Variants in CA10 observed in about 807,000 individuals in gnomAD.
CA10 encodes carbonic anhydrase-related protein 10.
In CA10, 14 loss-of-function variants were observed where a neutral mutation model predicts 44.2. The ratio of observed to expected loss-of-function variants is 0.32; its 90% CI spans 0.21 to 0.50. CA10 has a LOEUF of 0.50. Ranked by LOEUF, CA10 falls within the 20% of genes least tolerant of loss-of-function variation. The pLI is 0.99. For synonymous variants in CA10, 159 were observed against 141.6 expected, an observed-to-expected ratio of 1.12 and a Z score of -0.87; for missense variants, 350 against 409.7, an observed-to-expected ratio of 0.85 and a Z score of 1.26.
intron 4 of CA10, among the ~76,000 whole-genome samples, chr17:51,731,617 C>T (rs1916721864): frequency 7.2e-6 from 1 of 139,696 alleles, no homozygotes; most frequent in Non-Finnish European, 1.5e-5. Flanking sequence ...ATCTCATCAG[C>T]CTACTACTGG....
intron 1 of CA10, among the ~76,000 whole-genome samples, chr17:52,138,995 C>G (rs1238059157): frequency 1.3e-5 from 2 of 152,116 alleles, no homozygotes; most frequent in African/African-American, 2.4e-5. Context: ...TTTGGGGCAC[C>G]ATTTAGGTGC....
intron 3 of CA10, among the ~76,000 whole-genome samples, chr17:51,886,982 A>G (rs989703584): frequency 1.3e-5 from 2 of 152,002 alleles, no homozygotes; most frequent in Non-Finnish European, 2.9e-5. Context: ...CTCTATTCTC[A>G]TGCCTTTGGA....
chr17:52,061,319 G>C (rs1406486987), intron 2 of CA10, among the ~76,000 whole-genome samples: 1 of 152,148 alleles, frequency 6.6e-6, no homozygotes, highest in Non-Finnish European at 1.5e-5. Context: ...ACCCTGCACT[G>C]AGTAATGCAG....
intron 2 of CA10, among the ~76,000 whole-genome samples, chr17:51,962,560 C>T (rs575368346): frequency 6.6e-6 from 1 of 152,270 alleles, no homozygotes; most frequent in Non-Finnish European, 1.5e-5. Flanking sequence ...CCACAACCAG[C>T]TCTTACCCAT....
chr17:51,997,439 G>A (rs1186281981), intron 2 of CA10, among the ~76,000 whole-genome samples: 2 of 152,060 alleles, frequency 1.3e-5, no homozygotes, highest in African/African-American at 4.8e-5. Context: ...TAGATGGTAT[G>A]TTCTTAGTTT....
intron 1 of CA10, among the ~76,000 whole-genome samples, chr17:52,096,583 A>G (rs1295170511): frequency 6.6e-6 from 1 of 152,210 alleles, no homozygotes; most frequent in Non-Finnish European, 1.5e-5. Flanking sequence ...ATCAGATTCC[A>G]AGAAGCTCAG....
intron 2 of CA10, among the ~76,000 whole-genome samples, chr17:52,056,926 T>C (rs1987245193): frequency 6.6e-6 from 1 of 152,124 alleles, no homozygotes; most frequent in Non-Finnish European, 1.5e-5. Flanking sequence ...AGTGCTATTG[T>C]TTATTTTATA....
At chr17:51,648,404 C>T (rs1045681213) in intron 6 of CA10, among the ~76,000 whole-genome samples, 4 of 152,192 alleles carry the variant, frequency 2.6e-5, no homozygotes, top group African/African-American at 9.7e-5. Flanking sequence ...ATGACAGAGT[C>T]AAAGTGAGGA....
chr17:51,925,176 C>T (rs1364186989), intron 3 of CA10, among the ~76,000 whole-genome samples: 1 of 152,114 alleles, frequency 6.6e-6, no homozygotes. Flanking sequence ...AGGTGCAAGC[C>T]ACTGCACCCT....
intron 3 of CA10, among the ~76,000 whole-genome samples, chr17:51,905,403 C>A (rs1230634344): frequency 6.6e-6 from 1 of 152,000 alleles, no homozygotes; most frequent in Non-Finnish European, 1.5e-5. Context: ...AAGTTGGGCA[C>A]ACTTCTTTTC....
intron 3 of CA10, chr17:51,763,476 A>G (rs7220861): frequency 0.22 from 34,046 of 152,158 alleles, 4,196 homozygotes; most frequent in Middle Eastern, 0.37. Context: ...ATTAGAGACA[A>G]TTAAATGCAA....
chr17:52,130,438 T>C (rs1038004187), intron 1 of CA10, among the ~76,000 whole-genome samples: 3 of 152,150 alleles, frequency 2.0e-5, no homozygotes, highest in East Asian at 1.9e-4. Flanking sequence ...TAAAGAAATG[T>C]GGTATACACA....
At chr17:51,738,304 A>C (rs1244132839) in intron 4 of CA10, among the ~76,000 whole-genome samples, 1 of 152,208 alleles carries the variant, frequency 6.6e-6, no homozygotes, top group Non-Finnish European at 1.5e-5. Flanking sequence ...GTAGAGCAGC[A>C]CATCCATGGA....
At chr17:51,675,712 T>C (rs1914605921) in intron 4 of CA10, among the ~76,000 whole-genome samples, 1 of 147,312 alleles carries the variant, frequency 6.8e-6, no homozygotes, top group African/African-American at 2.6e-5. Context: ...CAAGGCTGCG[T>C]CTCAAAAAAA....
At chr17:51,751,385 ATTGAATTGTACAC>A (rs1346057491) in intron 3 of CA10, among the ~76,000 whole-genome samples, 1 of 152,258 alleles carries the variant, frequency 6.6e-6, no homozygotes, top group Non-Finnish European at 1.5e-5. Flanking sequence ...ACTTAACACC[ATTGAATTGTACAC>A]TTAAAATGGT....
At chr17:52,116,611 C>T (rs1988903421) in intron 1 of CA10, among the ~76,000 whole-genome samples, 1 of 152,116 alleles carries the variant, frequency 6.6e-6, no homozygotes, top group South Asian at 2.1e-4. Context: ...CCTTCTCTCA[C>T]TCATATAGCC....
intron 4 of CA10, among the ~76,000 whole-genome samples, chr17:51,680,210 T>C (rs995117746): frequency 4.6e-5 from 7 of 152,158 alleles, no homozygotes; most frequent in African/African-American, 1.7e-4. Flanking sequence ...GAAGAGTATA[T>C]GAGTAGCTTG....
intron 2 of CA10, among the ~76,000 whole-genome samples, chr17:51,977,397 T>G (rs1180843611): frequency 6.6e-6 from 1 of 151,772 alleles, no homozygotes; most frequent in Non-Finnish European, 1.5e-5. Context: ...ATATACAAAA[T>G]TAAATTAATG....
chr17:51,786,611 C>T (rs1906294907), intron 3 of CA10, among the ~76,000 whole-genome samples: 1 of 152,172 alleles, frequency 6.6e-6, no homozygotes, highest in East Asian at 1.9e-4. Context: ...TGACTTCTTC[C>T]TTTCCAATTT....
Sources: gnomAD v4.1 joint callset for allele counts (sites outside exome capture counted in the v4.1 genomes callset) on GRCh38, gnomAD v4.1.1 for gene constraint, MANE v1.5 for transcripts, NCBI Gene and HGNC (gene_info 2026-07-23, HGNC 2026-07-21) for gene names.